KIRREL3: variants seen among roughly 807,000 people sequenced by gnomAD.
KIRREL3 encodes the protein kirre like nephrin family adhesion molecule 3, also known as kin of IRRE-like protein 3.
A neutral mutation model predicts 89.7 loss-of-function variants in KIRREL3; 36 were observed. That is an observed-to-expected ratio of 0.40 (90% CI 0.31 to 0.53). KIRREL3 has a LOEUF of 0.53. Among genes scored for constraint, KIRREL3 ranks in the 20% least tolerant of loss-of-function variants. KIRREL3 has a pLI of 0.49. For missense variants in KIRREL3, 864 were observed against 1,056.6 expected (o/e 0.82, Z 2.53); for synonymous variants, 445 against 441.4 (o/e 1.01, Z -0.10).
chr11:126,446,992 G>T, intron 8 of KIRREL3, 106 bp from the exon 9 acceptor site: 2 of 1,376,120 alleles, frequency 1.5e-6, no homozygotes, highest in Non-Finnish European at 2.0e-6. Flanking sequence ...GGGGAGGCAG[G>T]CAGTGGGGTA....
In KIRREL3 at chr11:126,628,813, T is replaced by C. The variant is rs1401053965; in HGVS notation, c.56-65901A>G. Among the ~76,000 whole-genome samples the C allele has an allele frequency of 6.6e-6, 1 of 152,162 alleles. No homozygotes were observed. Among genetic ancestry groups the C allele is most frequent in the East Asian group, 1.9e-4 (1 of 5,180 alleles). On this transcript the variant is annotated intron_variant, in intron 1 of 16. Coordinates refer to ENST00000525144, the MANE Select transcript of KIRREL3 (RefSeq NM_032531.4). This position sits in a 1 kb window ranked among gnomAD's most constrained non-coding sequence, Gnocchi z 5.2. The stretch of plus-strand genomic sequence containing the variant: ...GCCTCGCCTCTACTGCCCCCTCCGC[T>C]CGCTCTGCCTGTGCAGGGTCCATCC...
intron 1 of KIRREL3, among the ~76,000 whole-genome samples, chr11:126,646,810 A>G (rs192217655): frequency 1.1e-4 from 17 of 152,238 alleles, no homozygotes; most frequent in South Asian, 4.2e-4. Context: ...TATGCTGTCA[A>G]TTGTAATTGC....
chr11:126,949,236 G>T (rs111845758), intron 1 of KIRREL3, among the ~76,000 whole-genome samples: 3 of 152,134 alleles, frequency 2.0e-5, no homozygotes, highest in Admixed American at 6.5e-5. Context: ...CAGAAGCAGC[G>T]CATGAGATCA....
In KIRREL3 at chr11:126,708,230, T is replaced by C. The variant is rs1049598367; in HGVS notation, c.56-145318A>G. On this transcript the variant is annotated intron_variant, in intron 1 of 16. Transcript: ENST00000525144. This position sits in a 1 kb window ranked among gnomAD's most constrained non-coding sequence, Gnocchi z 5.7. ...GCTGCTTTTTCCTGGCAGTTTACAA[T>C]GTTATATTGCTACCAAAGCGGGCAA... 2.0e-5 allele frequency among the ~76,000 whole-genome samples: 3 copies of C among 152,288 alleles called. No homozygotes were observed. Among genetic ancestry groups the C allele is most frequent in the African/African-American group, 7.2e-5 (3 of 41,556 alleles).
chr11:126,772,334 G>C lies in KIRREL3; in HGVS notation c.56-209422C>G, dbSNP rs1159830626. Among the ~76,000 whole-genome samples the C allele has an allele frequency of 6.6e-6, 1 of 152,222 alleles. No individual in the cohort carries two copies. Among genetic ancestry groups the C allele is most frequent in the Non-Finnish European group, 1.5e-5 (1 of 68,030 alleles). ...CTTAAATTCAAGGCAGCTAAGACCG[G>C]TTCAGGGACAGAGAACAGCAAGTGA... is the stretch of plus-strand genomic sequence containing the variant. On this transcript the variant is annotated intron_variant, in intron 1 of 16. Transcript: ENST00000525144. The surrounding 1 kb of genome is among the most constrained non-coding windows in gnomAD (Gnocchi z 4.6).
At chr11:126,731,737 A>C (rs1948625029) in intron 1 of KIRREL3, among the ~76,000 whole-genome samples, 1 of 152,238 alleles carries the variant, frequency 6.6e-6, no homozygotes, top group South Asian at 2.1e-4. Flanking sequence ...TACTTGATCC[A>C]TCTGGCTCCC....
At chr11:126,434,368 G>A (rs748668319) in intron 13 of KIRREL3, among the ~76,000 whole-genome samples, 43 of 152,386 alleles carry the variant, frequency 2.8e-4, no homozygotes, top group South Asian at 1.2e-3. Context: ...GCATGGACCC[G>A]GGGAGAAGGC....
chr11:126,799,386 GTATCTGTGTGTGCATC>G (rs1196521399), intron 1 of KIRREL3, among the ~76,000 whole-genome samples: 1,327 of 47,454 alleles, frequency 0.028, 99 homozygotes, highest in African/African-American at 0.095. Flanking sequence ...GTGCATGCGT[GTATCTGTGTGTGCATC>G]TATCTGTGTG....
At chr11:126,540,318 T>C (rs1353302779) in intron 2 of KIRREL3, among the ~76,000 whole-genome samples, 2 of 152,222 alleles carry the variant, frequency 1.3e-5, no homozygotes, top group African/African-American at 4.8e-5. Flanking sequence ...AGAGGCTGAC[T>C]GCTCTTCCCA....
intron 1 of KIRREL3, among the ~76,000 whole-genome samples, chr11:126,858,600 C>G (rs1944611802): frequency 6.6e-6 from 1 of 152,148 alleles, no homozygotes; most frequent in Non-Finnish European, 1.5e-5. Flanking sequence ...AAGGCAGACT[C>G]ATATTTTGGC....
chr11:126,950,251 C>T (rs1290964134), intron 1 of KIRREL3, among the ~76,000 whole-genome samples: 1 of 152,116 alleles, frequency 6.6e-6, no homozygotes, highest in African/African-American at 2.4e-5. Flanking sequence ...CGAGCACTCC[C>T]AGCTACTCAG....
In KIRREL3 at chr11:126,908,869, C is replaced by T. The variant is rs868116092; in HGVS notation, c.55+91586G>A. Among the ~76,000 whole-genome samples, 5 of 152,118 alleles carry T rather than the reference C, an allele frequency of 3.3e-5. No individual in the cohort carries two copies. Among genetic ancestry groups the T allele is most frequent in the African/African-American group, 4.8e-5 (2 of 41,416 alleles). ...TCTTGGGTATCACAATCTGCGGACG[C>T]TCGAGTCTCTGATATAAAGTAGTGT... On this transcript the variant is annotated intron_variant, in intron 1 of 16. Coordinates refer to ENST00000525144, the MANE Select transcript of KIRREL3 (RefSeq NM_032531.4). The surrounding 1 kb of genome is among the most constrained non-coding windows in gnomAD (Gnocchi z 4.2).
intron 1 of KIRREL3, among the ~76,000 whole-genome samples, chr11:126,799,830 T>C (rs890628056): frequency 6.6e-6 from 1 of 152,168 alleles, no homozygotes; most frequent in Non-Finnish European, 1.5e-5. Context: ...GAGCTAAGTC[T>C]GCTTTCCAGG....
In KIRREL3 at chr11:126,561,915, GGGGATAGAGAT is replaced by G; in HGVS notation, c.133+909_133+919del. On this transcript the variant is annotated intron_variant, in intron 2 of 16. Coordinates refer to ENST00000525144, the MANE Select transcript of KIRREL3 (RefSeq NM_032531.4). This position sits in a 1 kb window ranked among gnomAD's most constrained non-coding sequence, Gnocchi z 4.5. ...AAAGAGGGCACTGAGACCATGCTAT[GGGGATAGAGAT>G]GGTAGAAAGAAGCTTCCTCCTTCTT... Among the ~76,000 whole-genome samples, 1 of 152,296 alleles carries G rather than the reference GGGGATAGAGAT, an allele frequency of 6.6e-6. No homozygotes were observed. Among genetic ancestry groups the G allele is most frequent in the East Asian group, 1.9e-4 (1 of 5,170 alleles).
intron 1 of KIRREL3, among the ~76,000 whole-genome samples, chr11:126,941,634 A>G (rs1948449807): frequency 6.6e-6 from 1 of 152,180 alleles, no homozygotes; most frequent in Non-Finnish European, 1.5e-5. Flanking sequence ...TTACCTCTTC[A>G]TCCTTTCTTA....
At chr11:126,727,325 C>A (rs949422963) in intron 1 of KIRREL3, among the ~76,000 whole-genome samples, 1 of 152,284 alleles carries the variant, frequency 6.6e-6, no homozygotes, top group African/African-American at 2.4e-5. Flanking sequence ...TCCTTCCTCA[C>A]CTCCCAGACC....
At position 126,521,440 on chromosome 11, in the gene KIRREL3, C is replaced by T. The variant is rs1416129376; in HGVS notation, c.308G>A (p.Gly103Glu). 1 of 1,582,010 alleles carries T rather than the reference C, an allele frequency of 6.3e-7. No homozygotes were observed. The highest frequency in any genetic ancestry group is 8.6e-7 in the Non-Finnish European group (1 of 1,163,820). The change falls in exon 4 of 17, where the codon GGG (glycine) becomes GAG (glutamate). Residue 103 changes from glycine to glutamate, a missense_variant. Physicochemically the swap from Gly to Glu is moderately conservative, Grantham distance 98. Coordinates refer to ENST00000525144, the MANE Select transcript of KIRREL3 (RefSeq NM_032531.4). The surrounding 1 kb of genome is among the most constrained non-coding windows in gnomAD (Gnocchi z 4.1). ...GTGGTGCTCCCCTGACAGGTGGTTCCCTACCACCAGGTACTGTGGGTAACC... is the reference window on the plus strand; with the variant it reads ...GTGGTGCTCCCCTGACAGGTGGTTCTCTACCACCAGGTACTGTGGGTAACC... Reference protein sequence around the residue: ...LSSYPQYLVVGNHLSGEHHLK... With the variant: ...LSSYPQYLVVENHLSGEHHLK...
rs1951184113 is a variant in KIRREL3, at chr11:126,805,735, A to C, written c.55+194720T>G. 6.6e-6 allele frequency among the ~76,000 whole-genome samples: 1 copy of C among 152,208 alleles called. No homozygotes were observed. The highest frequency in any genetic ancestry group is 6.5e-5 in the Admixed American group (1 of 15,280). On this transcript the variant is annotated intron_variant, in intron 1 of 16. Transcript: ENST00000525144. The surrounding 1 kb of genome is among the most constrained non-coding windows in gnomAD (Gnocchi z 4.3). ...AAAGAAAGAAAAGGGAAGGACAGGG[A>C]GAGGGAGGAAGAGAAGCAAGGAAGA... is the stretch of plus-strand genomic sequence containing the variant.
chr11:126,584,311 C>T (rs1244828585), intron 1 of KIRREL3, among the ~76,000 whole-genome samples: 1 of 152,180 alleles, frequency 6.6e-6, no homozygotes, highest in Non-Finnish European at 1.5e-5. Context: ...ATATCTAGAT[C>T]CTATACAGCT....
Sources: gnomAD v4.1 joint callset for allele counts (sites outside exome capture counted in the v4.1 genomes callset) on GRCh38, gnomAD v4.1.1 for gene constraint, Gnocchi (gnomAD v3.1) non-coding constraint, MANE v1.5 for transcripts, NCBI Gene and HGNC (gene_info 2026-07-23, HGNC 2026-07-21) for gene names.